The following CACNA2D3 variants were observed in gnomAD, a reference collection of about 807,000 sequenced individuals.
CACNA2D3 encodes calcium voltage-gated channel auxiliary subunit alpha2delta 3.
CACNA2D3 carries 60 observed loss-of-function variants against 160.6 expected under a neutral mutation model. That is an observed-to-expected ratio of 0.37 (90% confidence interval 0.30 to 0.46). The LOEUF (loss-of-function observed/expected upper bound fraction) is 0.46, where lower values mean the gene tolerates loss of function less well. Among genes scored for constraint, CACNA2D3 ranks in the 20% least tolerant of loss-of-function variants. The pLI is 1.00. For missense variants in CACNA2D3, 1,205 were observed against 1,365.0 expected (o/e 0.88, Z 1.85); for synonymous variants, 558 against 492.9 (o/e 1.13, Z -1.75).
intron 6 of CACNA2D3, among the ~76,000 whole-genome samples, chr3:54,567,520 G>T (rs1702427486): frequency 7.3e-6 from 1 of 137,394 alleles, no homozygotes; most frequent in African/African-American, 2.5e-5. Context: ...TTTGTTTGTT[G>T]TTTGTTGTTG....
At chr3:54,644,678 C>A (rs1353152878) in intron 11 of CACNA2D3, among the ~76,000 whole-genome samples, 2 of 152,202 alleles carry the variant, frequency 1.3e-5, no homozygotes, top group East Asian at 3.9e-4. Flanking sequence ...TCCCATAAAA[C>A]AGTAGTTCTC....
At chr3:54,832,646 G>C (rs535579749) in intron 14 of CACNA2D3, among the ~76,000 whole-genome samples, 1 of 152,282 alleles carries the variant, frequency 6.6e-6, no homozygotes, top group African/African-American at 2.4e-5. Flanking sequence ...TTTCACTTTA[G>C]TTCATGCTGG....
intron 35 of CACNA2D3, among the ~76,000 whole-genome samples, chr3:55,059,495 G>C (rs1704448282): frequency 6.6e-6 from 1 of 152,194 alleles, no homozygotes; most frequent in African/African-American, 2.4e-5. Context: ...TTATGGGATG[G>C]GGAACATGCA....
chr3:54,552,753 A>G (rs1210813238), intron 5 of CACNA2D3, among the ~76,000 whole-genome samples: 1 of 152,184 alleles, frequency 6.6e-6, no homozygotes, highest in Admixed American at 6.5e-5. Context: ...AATGTCTCTA[A>G]AGGAGACTTG....
At chr3:54,370,846 A>C (rs1025526315) in intron 3 of CACNA2D3, among the ~76,000 whole-genome samples, 3 of 151,876 alleles carry the variant, frequency 2.0e-5, no homozygotes, top group Non-Finnish European at 4.4e-5. Context: ...GAAAAAAAAA[A>C]AAAAAAACAG....
chr3:54,890,420 C>T (rs547702253), intron 24 of CACNA2D3, among the ~76,000 whole-genome samples: 24 of 144,094 alleles, frequency 1.7e-4, no homozygotes, highest in East Asian at 6.2e-4. Flanking sequence ...GGCATGAACC[C>T]GGGAGGCGGA....
intron 17 of CACNA2D3, among the ~76,000 whole-genome samples, chr3:54,867,381 A>G (rs972459219): frequency 1.3e-5 from 2 of 152,226 alleles, no homozygotes; most frequent in African/African-American, 2.4e-5. Context: ...ATGTTCCTCA[A>G]TAATCATGGA....
chr3:55,074,028 G>A (rs358076), intron 37 of CACNA2D3, 86 bp from the exon 38 acceptor site: 894,417 of 1,213,966 alleles, frequency 0.74, 332,805 homozygotes, highest in East Asian at 0.95. Flanking sequence ...TCGTTCTTAC[G>A]TTAGAGAGGG....
chr3:54,255,665 C>T (rs1417131515), intron 2 of CACNA2D3, among the ~76,000 whole-genome samples: 1 of 152,084 alleles, frequency 6.6e-6, no homozygotes, highest in Non-Finnish European at 1.5e-5. Context: ...AATCTTTGGG[C>T]CTTTGTATTC....
chr3:54,448,922 A>G (rs1178749494), intron 4 of CACNA2D3, among the ~76,000 whole-genome samples: 2 of 152,238 alleles, frequency 1.3e-5, no homozygotes, highest in African/African-American at 4.8e-5. Context: ...GTGTCTCTTC[A>G]TGTCTTGGAT....
At chr3:54,528,036 C>T (rs1701751734) in intron 5 of CACNA2D3, among the ~76,000 whole-genome samples, 3 of 151,946 alleles carry the variant, frequency 2.0e-5, no homozygotes, top group East Asian at 1.9e-4. Flanking sequence ...TGTTGTTGTG[C>T]CAGAAATGTT....
intron 35 of CACNA2D3, among the ~76,000 whole-genome samples, chr3:55,022,288 C>T (rs1029107055): frequency 1.3e-5 from 2 of 152,044 alleles, no homozygotes; most frequent in Non-Finnish European, 2.9e-5. Flanking sequence ...TACACTAGCT[C>T]TATTTTGGTA....
intron 2 of CACNA2D3, among the ~76,000 whole-genome samples, chr3:54,302,365 T>G (rs1156603265): frequency 6.6e-6 from 1 of 152,144 alleles, no homozygotes; most frequent in Non-Finnish European, 1.5e-5. Context: ...TAAAATACCC[T>G]TTGTTTGTGG....
At chr3:54,748,398 T>G (rs1347728457) in intron 11 of CACNA2D3, among the ~76,000 whole-genome samples, 1 of 152,142 alleles carries the variant, frequency 6.6e-6, no homozygotes, top group East Asian at 1.9e-4. Flanking sequence ...CTGGATGAGT[T>G]TTTTGTTTGT....
At chr3:54,381,049 G>T (rs1442813894) in intron 3 of CACNA2D3, among the ~76,000 whole-genome samples, 1 of 152,008 alleles carries the variant, frequency 6.6e-6, no homozygotes, top group African/African-American at 2.4e-5. Flanking sequence ...AGAAAAAAAG[G>T]CAATAAAAAG....
At chr3:54,927,316 G>A (rs1436056517) in intron 27 of CACNA2D3, among the ~76,000 whole-genome samples, 2 of 152,162 alleles carry the variant, frequency 1.3e-5, no homozygotes, top group Non-Finnish European at 1.5e-5. Flanking sequence ...AAGGGATGCA[G>A]AACATCACAG....
At chr3:54,134,869 C>T (rs1699787518) in intron 2 of CACNA2D3, among the ~76,000 whole-genome samples, 1 of 152,256 alleles carries the variant, frequency 6.6e-6, no homozygotes. Context: ...GGCGCCTCTG[C>T]AGTACCAAGC....
intron 2 of CACNA2D3, among the ~76,000 whole-genome samples, chr3:54,303,299 T>C (rs559098804): frequency 1.6e-4 from 24 of 152,308 alleles, no homozygotes; most frequent in African/African-American, 5.8e-4. Flanking sequence ...ACATCAGTGG[T>C]TGACTTGATT....
chr3:54,355,197 A>C (rs935982420), intron 3 of CACNA2D3, among the ~76,000 whole-genome samples: 7 of 152,310 alleles, frequency 4.6e-5, no homozygotes, highest in African/African-American at 1.7e-4. Context: ...TATGGCCTGA[A>C]GGATGAGGCT....
Sources: allele counts gnomAD v4.1 joint callset (sites outside exome capture counted in the v4.1 genomes callset), GRCh38; gene constraint gnomAD v4.1.1; transcripts MANE v1.5; gene names NCBI Gene and HGNC (gene_info 2026-07-23, HGNC 2026-07-21).